Variants in TGFB3 observed in about 807,000 individuals in gnomAD.
TGFB3 encodes transforming growth factor beta 3.
Under a neutral mutation model 40.1 loss-of-function variants are expected in TGFB3, and 5 were observed. That is an observed-to-expected ratio of 0.12 (90% confidence interval 0.07 to 0.26). The LOEUF (loss-of-function observed/expected upper bound fraction) is 0.26, where lower values mean the gene tolerates loss of function less well. TGFB3 is among the 10% of genes least tolerant of loss of function. TGFB3 has a pLI of 1.00. For missense variants in TGFB3, 373 were observed against 530.1 expected, an observed-to-expected ratio of 0.70 and a Z score of 2.91; for synonymous variants, 184 against 205.6, an observed-to-expected ratio of 0.89 and a Z score of 0.90.
chr14:75,972,410 G>A (rs1341514545), intron 1 of TGFB3, among the ~76,000 whole-genome samples: 2 of 152,142 alleles, frequency 1.3e-5, no homozygotes, highest in African/African-American at 4.8e-5. Context: ...CCAAATAACA[G>A]GACTAGAGAG....
In TGFB3 at chr14:75,958,864, C is replaced by T. The variant is rs946175040; in HGVS notation, c.*323G>A. ...CCTTCCTTCTCCCTTTAGGGTAGCC[C>T]AAATCCCATTGCCACACAACATCTC... On this transcript the variant is annotated 3_prime_UTR_variant, in exon 7 of 7. Transcript: ENST00000238682. 2 of 381,748 alleles carry T rather than the reference C, an allele frequency of 5.2e-6. No homozygotes were observed. The highest frequency in any genetic ancestry group is 1.0e-5 in the Non-Finnish European group (2 of 198,466). The allele number at this position is 381,748 out of a possible 1,614,324, so 23.6% of individuals were successfully genotyped here.
At position 75,979,217 on chromosome 14, in the gene TGFB3, G is replaced by A. The variant is rs972985234; in HGVS notation, c.352+1325C>T. Among the ~76,000 whole-genome samples, 5 of 152,168 alleles carry A rather than the reference G, an allele frequency of 3.3e-5. No homozygotes were observed. Among genetic ancestry groups the A allele is most frequent in the Non-Finnish European group, 2.9e-5 (2 of 68,028 alleles). On this transcript the variant is annotated intron_variant, in intron 1 of 6. Coordinates refer to ENST00000238682, the MANE Select transcript of TGFB3 (RefSeq NM_003239.5). This position sits in a 1 kb window ranked among gnomAD's most constrained non-coding sequence, Gnocchi z 4.8. ...GTAACCACAGGCTCCTCTGCCTGGC[G>A]TGGAGCCGTGAACGGGGCCTTTGCA...
intron 6 of TGFB3, among the ~76,000 whole-genome samples, chr14:75,959,684 T>C (rs1278802803): frequency 6.6e-6 from 1 of 151,166 alleles, no homozygotes; most frequent in East Asian, 2.0e-4. Flanking sequence ...GGTGGGAGGA[T>C]CACCTGAATC....
intron 3 of TGFB3, among the ~76,000 whole-genome samples, chr14:75,968,626 G>A (rs573703528): frequency 1.4e-4 from 22 of 152,258 alleles, no homozygotes; most frequent in African/African-American, 3.1e-4. Context: ...TTCTGTAGCC[G>A]TCTGAGTCAG....
intron 1 of TGFB3, among the ~76,000 whole-genome samples, chr14:75,973,127 T>C (rs927563450): frequency 2.0e-5 from 3 of 152,246 alleles, no homozygotes; most frequent in African/African-American, 7.2e-5. Flanking sequence ...AGAAAAACTT[T>C]CTGCACAAAT....
intron 3 of TGFB3, chr14:75,966,376 A>G (rs1222977941): frequency 6.4e-6 from 1 of 156,596 alleles, no homozygotes; most frequent in Non-Finnish European, 1.4e-5. Flanking sequence ...AGATTCTAGA[A>G]GAGATAAGAT....
intron 3 of TGFB3, chr14:75,970,800 G>A (rs1032565433): frequency 2.8e-6 from 1 of 358,932 alleles, no homozygotes; most frequent in Admixed American, 3.8e-5. Context: ...TGATCTTCAT[G>A]GGCTAAATCC....
At chr14:75,969,841 TA>T (rs1298432613) in intron 3 of TGFB3, among the ~76,000 whole-genome samples, 2 of 152,186 alleles carry the variant, frequency 1.3e-5, no homozygotes, top group Non-Finnish European at 2.9e-5. Flanking sequence ...ATCCCATACC[TA>T]ATCAGCCTGT....
chr14:75,965,021 A>G (rs2035204799), intron 4 of TGFB3, among the ~76,000 whole-genome samples: 1 of 152,190 alleles, frequency 6.6e-6, no homozygotes, highest in Non-Finnish European at 1.5e-5. Flanking sequence ...AAAACCAGAA[A>G]TGACTCTCAA....
chr14:75,958,982 C>T lies in TGFB3; in HGVS notation c.*205G>A. On this transcript the variant is annotated 3_prime_UTR_variant, in exon 7 of 7. Transcript: ENST00000238682. ...AGAGTTCAGCCTTCCTCTAACCAAA[C>T]CCACACTTTCTTTACCACCGTGATT... is the stretch of plus-strand genomic sequence containing the variant. 1.5e-6 allele frequency: 1 copy of T among 648,634 alleles called. No homozygotes were observed. The highest frequency in any genetic ancestry group is 2.7e-6 in the Non-Finnish European group (1 of 365,196). The allele number at this position is 648,634 out of a possible 1,614,324, so 40.2% of individuals were successfully genotyped here.
rs3917148 is a variant in TGFB3 at position 75,980,178 on chromosome 14, T to G, written c.352+364A>C. 0.11 allele frequency among the ~76,000 whole-genome samples: 16,593 copies of G among 152,228 alleles called. 1,172 individuals are homozygous for G. The highest frequency in any genetic ancestry group is 0.21 in the Middle Eastern group (61 of 294). On this transcript the variant is annotated intron_variant, in intron 1 of 6. Transcript: ENST00000238682. This position sits in a 1 kb window ranked among gnomAD's most constrained non-coding sequence, Gnocchi z 4.3. ...GCTCCTGACAGAGCCGGCCTTCCCCTTTATGGCACCCAGATGCTTACAGTT... is the reference window on the plus strand; with the variant it reads ...GCTCCTGACAGAGCCGGCCTTCCCCGTTATGGCACCCAGATGCTTACAGTT...
chr14:75,964,119 G>A (rs755400841), intron 4 of TGFB3, among the ~76,000 whole-genome samples: 7 of 152,032 alleles, frequency 4.6e-5, no homozygotes, highest in Non-Finnish European at 1.0e-4. Context: ...CAAGTGATCC[G>A]CCCACCTCGG....
chr14:75,968,087 G>T (rs1404485225), intron 3 of TGFB3, among the ~76,000 whole-genome samples: 3 of 152,184 alleles, frequency 2.0e-5, no homozygotes, highest in African/African-American at 7.2e-5. Context: ...GTCCCCAGCG[G>T]CCCTTGTGGA....
chr14:75,975,497 G>A (rs530091805), intron 1 of TGFB3, among the ~76,000 whole-genome samples: 3 of 152,232 alleles, frequency 2.0e-5, no homozygotes, highest in African/African-American at 4.8e-5. Flanking sequence ...ATGAATCATC[G>A]TATACATAAA....
At chr14:75,959,827 T>C (rs1206061043) in intron 6 of TGFB3, among the ~76,000 whole-genome samples, 1 of 151,160 alleles carries the variant, frequency 6.6e-6, no homozygotes, top group East Asian at 1.9e-4. Flanking sequence ...AGTAGTTGTG[T>C]AGTTGCTGTT....
intron 1 of TGFB3, among the ~76,000 whole-genome samples, chr14:75,974,757 T>C (rs1594789459): frequency 2.2e-5 from 2 of 92,138 alleles, no homozygotes; most frequent in Admixed American, 2.8e-4. Context: ...AGAGTGAGAC[T>C]CCATCTCAAA....
intron 1 of TGFB3, among the ~76,000 whole-genome samples, chr14:75,976,657 C>G (rs1273831974): frequency 6.6e-6 from 1 of 152,114 alleles, no homozygotes; most frequent in African/African-American, 2.4e-5. Flanking sequence ...ATGCAAAACC[C>G]AGCAAGAACT....
upstream of TGFB3, among the ~76,000 whole-genome samples, chr14:75,982,148 A>C (rs2035443660): frequency 6.6e-6 from 1 of 152,222 alleles, no homozygotes; most frequent in South Asian, 2.1e-4. This position sits in a 1 kb window ranked among gnomAD's most constrained non-coding sequence, Gnocchi z 4.0. Context: ...CTTTTGAAAA[A>C]TACTTTGCGA....
In TGFB3 at chr14:75,958,544, T is replaced by A. The variant is rs1223589598; in HGVS notation, c.*643A>T. 6.3e-6 allele frequency: 1 copy of A among 159,260 alleles called. No individual in the cohort carries two copies. Among genetic ancestry groups the A allele is most frequent in the Non-Finnish European group, 1.4e-5 (1 of 72,104 alleles). 9.9% of individuals were successfully genotyped at this position (159,260 alleles called of 1,614,324 possible). On this transcript the variant is annotated 3_prime_UTR_variant, in exon 7 of 7. Coordinates refer to ENST00000238682, the MANE Select transcript of TGFB3 (RefSeq NM_003239.5). ...CGTTCAGCATATCCAAAAGGCCCAA[T>A]ACAGTTGATGGGCCAGGAACTGCAT... is the stretch of plus-strand genomic sequence containing the variant.
Sources: allele counts gnomAD v4.1 joint callset (sites outside exome capture counted in the v4.1 genomes callset), GRCh38; gene constraint gnomAD v4.1.1; non-coding constraint Gnocchi (gnomAD v3.1); transcripts MANE v1.5; gene names NCBI Gene and HGNC (gene_info 2026-07-23, HGNC 2026-07-21).